The following TMPO variants were observed in gnomAD, a reference collection of about 807,000 sequenced individuals.
TMPO encodes thymopoietin.
A neutral mutation model predicts 45.4 loss-of-function variants in TMPO; 22 were observed. The ratio of observed to expected loss-of-function variants is 0.48; its 90% CI spans 0.35 to 0.69. The LOEUF (loss-of-function observed/expected upper bound fraction) is 0.69, where lower values mean the gene tolerates loss of function less well. Among genes scored for constraint, TMPO ranks in the 30% least tolerant of loss-of-function variants. The probability of loss-of-function intolerance (pLI) is 0.01; values close to 1 mark genes in which losing one functional copy is unlikely to be tolerated. For synonymous variants in TMPO, 241 were observed against 204.1 expected, an observed-to-expected ratio of 1.18 and a Z score of -1.54; for missense variants, 512 against 548.8, an observed-to-expected ratio of 0.93 and a Z score of 0.67.
intron 1 of TMPO, among the ~76,000 whole-genome samples, chr12:98,521,100 ATTTTTTTTTTT>A (rs398044704): frequency 2.2e-4 from 17 of 76,774 alleles, no homozygotes; most frequent in Admixed American, 1.7e-3. Flanking sequence ...TTTATGAGGA[ATTTTTTTTTTT>A]TTTTTTTTTT....
chr12:98,531,722 G>A lies in TMPO; in HGVS notation c.449G>A (p.Arg150Lys), dbSNP rs1877205656. The change falls in exon 3 of 9, where the codon AGG (arginine) becomes AAG (lysine). Residue 150 changes from arginine (R) to lysine (K), a missense_variant. Transcript: ENST00000556029. ...TATGAGAAAAAGCTTTTGAAACTGA[G>A]GGAACAAGGAACAGAATCAAGATCT... ...KLYEKKLLKL[R>K]EQGTESRSST... 1 of 1,613,314 alleles carries A rather than the reference G, an allele frequency of 6.2e-7. No individual in the cohort carries two copies. Among genetic ancestry groups the A allele is most frequent in the Non-Finnish European group, 8.5e-7 (1 of 1,179,946 alleles).
At chr12:98,535,670 T>C in intron 3 of TMPO, 1 of 985,436 alleles carries the variant, frequency 1.0e-6, no homozygotes. Context: ...TTCTGTGTGC[T>C]TTATTCTTGG....
chr12:98,534,570 T>C (rs1248536246), intron 3 of TMPO: 14 of 1,320,200 alleles, frequency 1.1e-5, no homozygotes, highest in Middle Eastern at 3.0e-4. Flanking sequence ...GCTTTCTAGA[T>C]CACATATTAG....
chr12:98,517,420 G>T (rs1335824171), intron 1 of TMPO, among the ~76,000 whole-genome samples: 2 of 152,180 alleles, frequency 1.3e-5, no homozygotes, highest in African/African-American at 4.8e-5. Context: ...CTAGTAATTG[G>T]TGTAACATAA....
chr12:98,544,098 A>T, intron 4 of TMPO, 132 bp from the exon 5 acceptor site: 1 of 965,178 alleles, frequency 1.0e-6, no homozygotes, highest in Non-Finnish European at 1.6e-6. Context: ...GAATATTTTG[A>T]GGACATAGCC....
At chr12:98,520,464 T>C (rs1260763076) in intron 1 of TMPO, among the ~76,000 whole-genome samples, 2 of 151,714 alleles carry the variant, frequency 1.3e-5, no homozygotes, top group African/African-American at 4.8e-5. Context: ...ACACCACTAC[T>C]CCTGGTTAAT....
At chr12:98,534,576 A>G (rs986117763) in intron 3 of TMPO, 9 of 1,299,400 alleles carry the variant, frequency 6.9e-6, no homozygotes, top group Admixed American at 3.5e-5. Context: ...TAGATCACAT[A>G]TTAGTCTCTA....
At chr12:98,543,893 TAGAC>T (rs567814999) in intron 4 of TMPO, among the ~76,000 whole-genome samples, 9 of 152,352 alleles carry the variant, frequency 5.9e-5, no homozygotes, top group African/African-American at 2.2e-4. Flanking sequence ...GCTTTTTGTT[TAGAC>T]AGAGATGTAG....
rs190515788 is a variant in TMPO at position 98,544,470 on chromosome 12, A to G, written c.812A>G (p.Asp271Gly). The change falls in exon 6 of 9, where the codon GAT becomes GGT. Residue 271 changes from aspartate (D) to glycine (G), a missense_variant. Asp to Gly is a moderately conservative substitution (Grantham distance 94). Transcript: ENST00000556029. ...RVETSEHFRI[D>G]GPVISESTPI... ...GAAACTTCAGAACATTTTCGTATAG[A>G]TGGTCCAGTAATTTCAGAGAGTACT... 2 of 1,613,838 alleles carry G rather than the reference A, an allele frequency of 1.2e-6. No individual in the cohort carries two copies. Among genetic ancestry groups the G allele is most frequent in the Admixed American group, 1.7e-5 (1 of 60,000 alleles).
intron 1 of TMPO, among the ~76,000 whole-genome samples, chr12:98,517,890 C>CG (rs1355707746): frequency 6.6e-6 from 1 of 152,204 alleles, no homozygotes; most frequent in Non-Finnish European, 1.5e-5. Context: ...AGGCCGGGCG[C>CG]GGTGGCTCAC....
At chr12:98,536,054 G>C (rs1471625301) in intron 3 of TMPO, among the ~76,000 whole-genome samples, 3 of 152,126 alleles carry the variant, frequency 2.0e-5, no homozygotes, top group Non-Finnish European at 4.4e-5. Flanking sequence ...TGAAATCTTA[G>C]TCCTAAATAA....
chr12:98,531,918 T>A, intron 3 of TMPO, 80 bp downstream of exon 3: 1 of 1,239,814 alleles, frequency 8.1e-7, no homozygotes, highest in South Asian at 1.4e-5. Flanking sequence ...AAAGTAAAAT[T>A]TAAAACAATA....
chr12:98,534,363 C>T (rs1192700068), intron 3 of TMPO: 2 of 1,609,316 alleles, frequency 1.2e-6, no homozygotes, highest in Non-Finnish European at 1.7e-6. Context: ...GACAAAAAGA[C>T]ATCTATCTTA....
chr12:98,548,709 G>A lies in TMPO; in HGVS notation c.*851G>A, dbSNP rs557543224. ...TGTGTGTATGTTTGTTTAGAAGTTA[G>A]AAATTGTAAACACTGGTCTTATGTT... On this transcript the variant is annotated 3_prime_UTR_variant, in exon 9 of 9. Coordinates refer to ENST00000556029, the MANE Select transcript of TMPO (RefSeq NM_001032283.3). 1 of 152,328 alleles carries A rather than the reference G, an allele frequency of 6.6e-6. No homozygotes were observed. Among genetic ancestry groups the A allele is most frequent in the South Asian group, 2.1e-4 (1 of 4,830 alleles). The allele number at this position is 152,328 out of a possible 1,614,324, so 9.4% of individuals were successfully genotyped here.
intron 4 of TMPO, among the ~76,000 whole-genome samples, chr12:98,542,719 G>T (rs1016429541): frequency 6.6e-5 from 10 of 152,092 alleles, no homozygotes; most frequent in Non-Finnish European, 1.2e-4. Flanking sequence ...TCAGCCAAGT[G>T]TGCTGGTGCG....
At position 98,550,325 on chromosome 12, in the gene TMPO, C is replaced by G. The variant is rs936669647; in HGVS notation, c.*2467C>G. 3 of 152,160 alleles carry G rather than the reference C, an allele frequency of 2.0e-5. No individual in the cohort carries two copies. The highest frequency in any genetic ancestry group is 2.9e-5 in the Non-Finnish European group (2 of 68,032). 9.4% of individuals were successfully genotyped at this position (152,160 alleles called of 1,614,324 possible). A position where few individuals can be genotyped will look rare whatever the true frequency, so the allele number is the denominator to read the frequency against. On this transcript the variant is annotated 3_prime_UTR_variant, in exon 9 of 9. Transcript: ENST00000556029. Reference sequence around the variant, plus strand: ...TAATTAACCTCTAGTTTTGTCGTTGCAATAAATGGTTTTCAGATAGCACAA... The same window carrying G: ...TAATTAACCTCTAGTTTTGTCGTTGGAATAAATGGTTTTCAGATAGCACAA...
chr12:98,517,356 T>G (rs948225982), intron 1 of TMPO, among the ~76,000 whole-genome samples: 5 of 152,234 alleles, frequency 3.3e-5, no homozygotes, highest in Non-Finnish European at 7.3e-5. Context: ...TTTGTGGGTT[T>G]GCTTATGCCT....
intron 8 of TMPO, among the ~76,000 whole-genome samples, chr12:98,546,724 A>G (rs916442034): frequency 7.9e-5 from 12 of 152,338 alleles, no homozygotes; most frequent in African/African-American, 2.9e-4. Context: ...TTTTGGGAGC[A>G]GTTTAATTCC....
At chr12:98,534,006 A>C (rs1032575067) in intron 3 of TMPO, 2 of 1,608,012 alleles carry the variant, frequency 1.2e-6, no homozygotes, top group Admixed American at 3.3e-5. Flanking sequence ...TGCAGATTGC[A>C]ACTCACACTG....
Sources: gnomAD v4.1 joint callset for allele counts (sites outside exome capture counted in the v4.1 genomes callset) on GRCh38, gnomAD v4.1.1 for gene constraint, MANE v1.5 for transcripts, NCBI Gene and HGNC (gene_info 2026-07-23, HGNC 2026-07-21) for gene names.